C16orf89: variants seen among roughly 807,000 people sequenced by gnomAD.
C16orf89 encodes chromosome 16 open reading frame 89, also known as UPF0764 protein C16orf89.
Under a neutral mutation model 41.5 loss-of-function variants are expected in C16orf89, and 57 were observed. That is an observed-to-expected ratio of 1.38 (90% CI 1.11 to 1.71). The LOEUF (loss-of-function observed/expected upper bound fraction) is 1.71, where lower values mean the gene tolerates loss of function less well. C16orf89 is among the 40% of genes most tolerant of loss of function. The pLI is 0.00. For missense variants in C16orf89, 575 were observed against 445.9 expected, an observed-to-expected ratio of 1.29 and a Z score of -2.61; for synonymous variants, 223 against 190.6, an observed-to-expected ratio of 1.17 and a Z score of -1.40.
chr16:5,051,539 A>G (rs1956397108), intron 6 of C16orf89, among the ~76,000 whole-genome samples: 1 of 152,224 alleles, frequency 6.6e-6, no homozygotes, highest in African/African-American at 2.4e-5. Context: ...CACTGATGAA[A>G]GAAATTGAAG....
intron 7 of C16orf89, among the ~76,000 whole-genome samples, chr16:5,047,272 G>C (rs562550103): frequency 1.3e-5 from 2 of 152,210 alleles, no homozygotes; most frequent in South Asian, 4.1e-4. Context: ...CACCTTTTCT[G>C]TTTTCAGCTC....
chr16:5,058,427 C>G (rs896538186), intron 4 of C16orf89, 66 bp downstream of exon 4: 9 of 1,408,482 alleles, frequency 6.4e-6, no homozygotes, highest in Non-Finnish European at 7.9e-6. Context: ...GCCACCACGT[C>G]CGGCTGCCCC....
At chr16:5,053,510 A>G (rs149499895) in intron 6 of C16orf89, among the ~76,000 whole-genome samples, 10 of 151,550 alleles carry the variant, frequency 6.6e-5, no homozygotes, top group African/African-American at 1.9e-4. Context: ...CCATAGCACT[A>G]TAGGGTGATT....
At chr16:5,048,077 G>A in intron 6 of C16orf89, 113 bp from the exon 7 acceptor site, 3 of 657,548 alleles carry the variant, frequency 4.6e-6, no homozygotes, top group Middle Eastern at 8.1e-4. Flanking sequence ...TGGCCAGGCT[G>A]GGTGCAGTAA....
In C16orf89 at chr16:5,058,611, C is replaced by A; in HGVS notation, c.510-1G>T. 1 of 1,608,396 alleles carries A rather than the reference C, an allele frequency of 6.2e-7. No individual in the cohort carries two copies. Among genetic ancestry groups the A allele is most frequent in the Non-Finnish European group, 8.5e-7 (1 of 1,176,692 alleles). ...GCCGCAGGGCTCGCTGCTGTCCGTC[C>A]TGGGGGAAAGTGGTTCCAAGCTGTT... is the stretch of plus-strand genomic sequence containing the variant. On this transcript the variant is annotated splice_acceptor_variant, in intron 3 of 7. Coordinates refer to ENST00000472572, the MANE Select transcript of C16orf89 (RefSeq NM_001098514.3). LOFTEE classifies it high-confidence loss of function.
chr16:5,054,361 TG>T (rs1347001926), intron 6 of C16orf89, among the ~76,000 whole-genome samples: 4 of 152,278 alleles, frequency 2.6e-5, no homozygotes, highest in Admixed American at 2.6e-4. Flanking sequence ...GGCTGGGAAG[TG>T]GCTGAGTCCT....
intron 4 of C16orf89, 34 bp downstream of exon 4, chr16:5,058,459 C>T: frequency 6.5e-7 from 1 of 1,540,096 alleles, no homozygotes; most frequent in Non-Finnish European, 8.9e-7. Context: ...CCTTCCCCTT[C>T]CCCTGGCACG....
chr16:5,055,256 G>T lies in C16orf89; in HGVS notation c.858C>A (p.Phe286Leu). Residue 286 changes from phenylalanine to leucine, a missense_variant, in exon 6 of 8, where the codon TTC becomes TTA. Phe to Leu is a conservative substitution (Grantham distance 22). Coordinates refer to ENST00000472572, the MANE Select transcript of C16orf89 (RefSeq NM_001098514.3). ...AGCAGCGCAGCTCACCAGGCTCCCCGAAGCATCCTTCCTGCTGTTTCTGCC... is the reference window on the plus strand; with the variant it reads ...AGCAGCGCAGCTCACCAGGCTCCCCTAAGCATCCTTCCTGCTGTTTCTGCC... ...LSWQKQQEGCFGEPDAEDEEL... is the reference protein window; with the variant it reads ...LSWQKQQEGCLGEPDAEDEEL... The T allele has an allele frequency of 6.2e-7, 1 of 1,609,012 alleles. No homozygotes were observed. The highest frequency in any genetic ancestry group is 1.1e-5 in the South Asian group (1 of 90,682).
At chr16:5,058,283 A>G (rs968296864) in intron 4 of C16orf89, among the ~76,000 whole-genome samples, 1 of 151,826 alleles carries the variant, frequency 6.6e-6, no homozygotes, top group African/African-American at 2.4e-5. Context: ...GCACGCCACC[A>G]CGTCCAGCTA....
intron 5 of C16orf89, chr16:5,055,783 T>G: frequency 6.7e-7 from 1 of 1,489,794 alleles, no homozygotes; most frequent in Non-Finnish European, 9.0e-7. Context: ...CCAGTTACAT[T>G]TGAGTTTTCG....
chr16:5,043,387 G>A (rs975350365), downstream of C16orf89: 3 of 152,234 alleles, frequency 2.0e-5, no homozygotes, highest in Non-Finnish European at 4.4e-5. Flanking sequence ...CAATTTTACT[G>A]ATGAGAAAAC....
intron 7 of C16orf89, among the ~76,000 whole-genome samples, chr16:5,045,261 C>T (rs1275742998): frequency 6.6e-6 from 1 of 152,212 alleles, no homozygotes; most frequent in African/African-American, 2.4e-5. Flanking sequence ...CGAGCTGAGC[C>T]CCTGGCCCTG....
In C16orf89 at chr16:5,065,769, G is replaced by A; in HGVS notation, c.140C>T (p.Thr47Ile). 1 of 1,614,196 alleles carries A rather than the reference G, an allele frequency of 6.2e-7. No individual in the cohort carries two copies. Among genetic ancestry groups the A allele is most frequent in the African/African-American group, 1.3e-5 (1 of 75,058 alleles). ...DLILSALERA[T>I]VFLEQRLPEI... ...AGGCAGCCTCTGTTCTAGGAAGACGGTGGCTCTCTCCAGCGCAGACAGGAT... is the reference window on the plus strand; with the variant it reads ...AGGCAGCCTCTGTTCTAGGAAGACGATGGCTCTCTCCAGCGCAGACAGGAT... The change falls in exon 1 of 8, where the codon ACC (threonine) becomes ATC (isoleucine). Residue 47 changes from threonine (T) to isoleucine (I), a missense_variant. Transcript: ENST00000472572.
chr16:5,050,684 C>A (rs939869932), intron 6 of C16orf89, among the ~76,000 whole-genome samples: 3 of 152,080 alleles, frequency 2.0e-5, no homozygotes, highest in African/African-American at 7.2e-5. Flanking sequence ...GACAAAGCAA[C>A]AACAAAAAAA....
Position 5,056,161 on chromosome 16 carries a change from G to A in C16orf89, c.655C>T (p.Gln219Ter), listed in dbSNP as rs1244887233. ...AAGAGGTTGATATAGTCCTGGCTCTGTTGGAGTGGTCCCTGTGTGCACCCC... is the reference window on the plus strand; with the variant it reads ...AAGAGGTTGATATAGTCCTGGCTCTATTGGAGTGGTCCCTGTGTGCACCCC... ...MRGCTQGPLQ[Q>*]SQDYINLFCA... The change falls in exon 5 of 8, where the codon CAG (glutamine) becomes TAG (stop). Residue 219 changes from glutamine to a stop codon, truncating the protein, a stop_gained. Coordinates refer to ENST00000472572, the MANE Select transcript of C16orf89 (RefSeq NM_001098514.3). LOFTEE classifies it high-confidence loss of function. The A allele has an allele frequency of 1.3e-6, 2 of 1,593,042 alleles. No individual in the cohort carries two copies. Among genetic ancestry groups the A allele is most frequent in the Non-Finnish European group, 1.7e-6 (2 of 1,162,198 alleles).
At chr16:5,053,046 C>A (rs1433772924) in intron 6 of C16orf89, among the ~76,000 whole-genome samples, 1 of 152,124 alleles carries the variant, frequency 6.6e-6, no homozygotes, top group Non-Finnish European at 1.5e-5. Context: ...TGTTGCATGT[C>A]CTTCCTCGTA....
chr16:5,050,959 T>A (rs7186774), intron 6 of C16orf89, among the ~76,000 whole-genome samples: 44,228 of 152,116 alleles, frequency 0.29, 6,575 homozygotes, highest in Middle Eastern at 0.35. Context: ...AATCATATAA[T>A]CATCTTAATA....
chr16:5,052,182 ACAAATGGC>A (rs1956411100), intron 6 of C16orf89, among the ~76,000 whole-genome samples: 1 of 152,154 alleles, frequency 6.6e-6, no homozygotes, highest in African/African-American at 2.4e-5. Flanking sequence ...AAGAAGGCAT[ACAAATGGC>A]CAACAGGTCT....
chr16:5,062,798 T>C (rs191614620), intron 1 of C16orf89, among the ~76,000 whole-genome samples: 10 of 152,260 alleles, frequency 6.6e-5, no homozygotes, highest in Admixed American at 6.5e-4. Flanking sequence ...AGGTGGTGGC[T>C]GAGAGCTTGG....
Sources: allele counts gnomAD v4.1 joint callset (sites outside exome capture counted in the v4.1 genomes callset), GRCh38; gene constraint gnomAD v4.1.1; transcripts MANE v1.5; gene names NCBI Gene and HGNC (gene_info 2026-07-23, HGNC 2026-07-21).